PAK3: variants seen among roughly 807,000 people sequenced by gnomAD.
PAK3 encodes the protein serine/threonine-protein kinase PAK 3.
A neutral mutation model predicts 41.0 loss-of-function variants in PAK3; 4 were observed. The observed-to-expected ratio is 0.10, with a 90% CI of 0.05 to 0.22. The LOEUF is 0.22. Among genes scored for constraint, PAK3 ranks in the 10% least tolerant of loss-of-function variants. The pLI is 1.00. For missense variants in PAK3, 205 were observed against 409.9 expected (o/e 0.50, Z 4.32); for synonymous variants, 146 against 139.6 (o/e 1.05, Z -0.32).
intron 1 of PAK3, among the ~76,000 whole-genome samples, chrX:110,965,977 T>C (rs1260530624): frequency 1.8e-5 from 2 of 112,058 alleles, no homozygotes; most frequent in African/African-American, 6.5e-5. Flanking sequence ...CCACGTCGTA[T>C]GCACTATGCT....
At chrX:110,981,197 T>G (rs2091441661) in intron 1 of PAK3, among the ~76,000 whole-genome samples, 2 of 111,666 alleles carry the variant, frequency 1.8e-5, no homozygotes. Context: ...GGCCAGTATA[T>G]TCTTTAAAAA....
intron 1 of PAK3, among the ~76,000 whole-genome samples, chrX:111,000,441 C>T (rs922754908): frequency 3.6e-5 from 4 of 112,110 alleles, no homozygotes; most frequent in Non-Finnish European, 7.5e-5. Context: ...AATAGTTGGC[C>T]TGGACTTGTC....
intron 1 of PAK3, among the ~76,000 whole-genome samples, chrX:111,061,043 C>T (rs1040274733): frequency 1.8e-5 from 2 of 111,236 alleles, no homozygotes; most frequent in African/African-American, 6.5e-5. Flanking sequence ...GCCTATCTTG[C>T]TATTGTGTTG....
At chrX:110,968,324 T>A (rs2091124585) in intron 1 of PAK3, among the ~76,000 whole-genome samples, 1 of 112,742 alleles carries the variant, frequency 8.9e-6, no homozygotes, top group Non-Finnish European at 1.9e-5. Context: ...ACAAAAGCTT[T>A]CATCTCTAGA....
In PAK3 at chrX:111,163,879, A is replaced by G. The variant is rs2094220191; in HGVS notation, c.766+152A>G. 4 of 490,003 alleles carry G rather than the reference A, an allele frequency of 8.2e-6. No homozygotes were observed. The Admixed American group carries it at 1.2e-4, about 14-fold the overall frequency. 40.4% of individuals were successfully genotyped at this position (490,003 alleles called of 1,213,427 possible). A position where few individuals can be genotyped will look rare whatever the true frequency, so the allele number is the denominator to read the frequency against. ...ATGAAAAATTTGAGACTCACTGCAT[A>G]TGCCAGAACACTTTCTCCCTTCCAC... On this transcript the variant is annotated intron_variant, in intron 10 of 17. Transcript: ENST00000372007.
At chrX:111,180,526 A>T (rs1382479782) in intron 11 of PAK3, among the ~76,000 whole-genome samples, 3 of 112,205 alleles carry the variant, frequency 2.7e-5, no homozygotes, top group Non-Finnish European at 5.6e-5. Context: ...CACATGAAAG[A>T]TTTTTATAAG....
intron 1 of PAK3, among the ~76,000 whole-genome samples, chrX:111,002,068 G>T (rs564426427): frequency 8.9e-6 from 1 of 111,758 alleles, no homozygotes; most frequent in African/African-American, 3.2e-5. Flanking sequence ...AAGGTCTATA[G>T]CTATAATGTT....
intron 9 of PAK3, 137 bp from the exon 10 acceptor site, chrX:111,163,425 T>TAC (rs2094214671): frequency 1.3e-5 from 7 of 528,382 alleles, no homozygotes; most frequent in Non-Finnish European, 2.3e-5. Context: ...AGTGTTGTAC[T>TAC]TTCAGCTACT....
chrX:111,168,017 T>C (rs951995657), intron 10 of PAK3, among the ~76,000 whole-genome samples: 7 of 111,305 alleles, frequency 6.3e-5, no homozygotes, highest in Non-Finnish European at 9.4e-5. Flanking sequence ...TCCCTCAGCA[T>C]TCCCCACTCA....
At position 111,007,774 on chromosome X, in the gene PAK3, T is replaced by C. The variant is rs182475456; in HGVS notation, c.-28+63146T>C. On this transcript the variant is annotated intron_variant, in intron 1 of 14. Transcript: ENST00000425146. ...TGCATTGAATTAGAGGCTATCCTGT[T>C]ATTTATATCTTCCTTGTTTACATCC... Among the ~76,000 whole-genome samples, 173 of 111,819 alleles carry C rather than the reference T, an allele frequency of 1.5e-3. 2 individuals carry two copies. The highest frequency in any genetic ancestry group is 5.3e-3 in the African/African-American group (163 of 30,773).
chrX:111,162,732 T>G (rs982970953), intron 8 of PAK3, among the ~76,000 whole-genome samples, 183 bp from the exon 9 acceptor site: 3 of 111,699 alleles, frequency 2.7e-5, no homozygotes, highest in Non-Finnish European at 3.8e-5. Flanking sequence ...CTGAATAAGT[T>G]CAGAGATTGT....
rs2094570212 is a variant in PAK3 at position 111,192,541 on chromosome X, C to T, written c.915C>T (p.Pro305=). The T allele has an allele frequency of 3.4e-6, 4 of 1,170,947 alleles. No homozygotes were observed. Among genetic ancestry groups the T allele is most frequent in the Non-Finnish European group, 3.5e-6 (3 of 860,397 alleles). The part of the protein sequence containing the change: ...AIKQMNLQQQ[P]KKELIINEIL... ...AGCAGATGAACCTTCAACAGCAACC[C>T]AAGAAGGAATTAATTATTAATGAAA... is the stretch of plus-strand genomic sequence containing the variant. Residue 305 remains proline, a synonymous_variant, in exon 13 of 18, where the codon CCC becomes CCT. Coordinates refer to ENST00000372007, the MANE Select transcript of PAK3 (RefSeq NM_002578.5).
At chrX:111,074,573 C>T (rs1041920512) in intron 1 of PAK3, among the ~76,000 whole-genome samples, 4 of 111,743 alleles carry the variant, frequency 3.6e-5, no homozygotes, top group African/African-American at 6.5e-5. Flanking sequence ...ACAAATTACC[C>T]GGCCCCAGGT....
chrX:111,010,430 G>C (rs763091726), intron 1 of PAK3, among the ~76,000 whole-genome samples: 2 of 111,500 alleles, frequency 1.8e-5, no homozygotes, highest in African/African-American at 6.5e-5. Context: ...TAGCTGATAT[G>C]GTTTGGATCT....
chrX:110,977,268 A>G (rs2091357221), intron 1 of PAK3, among the ~76,000 whole-genome samples: 1 of 110,545 alleles, frequency 9.0e-6, no homozygotes, highest in Admixed American at 9.7e-5. Context: ...TGACAGTACT[A>G]CACTCTCTTG....
chrX:110,996,429 T>C (rs180904060), intron 1 of PAK3, among the ~76,000 whole-genome samples: 570 of 112,000 alleles, frequency 5.1e-3, no homozygotes, highest in African/African-American at 0.018. Context: ...CAATAAAATA[T>C]ATAGTGAAAT....
chrX:110,970,600 G>T (rs1345877729), intron 1 of PAK3, among the ~76,000 whole-genome samples: 1 of 111,062 alleles, frequency 9.0e-6, no homozygotes, highest in Non-Finnish European at 1.9e-5. Flanking sequence ...CCTGCTGTGG[G>T]TGGGGGGAAA....
chrX:111,049,116 CTCT>C (rs1360515955), intron 1 of PAK3, among the ~76,000 whole-genome samples: 4 of 111,482 alleles, frequency 3.6e-5, no homozygotes, highest in African/African-American at 1.3e-4. Flanking sequence ...CTGCTCTTTT[CTCT>C]TCTTGGAATG....
intron 1 of PAK3, among the ~76,000 whole-genome samples, chrX:110,950,626 T>C (rs989415045): frequency 8.9e-6 from 1 of 111,935 alleles, no homozygotes; most frequent in African/African-American, 3.2e-5. Flanking sequence ...GCTCCCTGTG[T>C]ATTTTATTCT....
Sources: allele counts gnomAD v4.1 joint callset (sites outside exome capture counted in the v4.1 genomes callset), GRCh38; gene constraint gnomAD v4.1.1; transcripts MANE v1.5; gene names NCBI Gene and HGNC (gene_info 2026-07-23, HGNC 2026-07-21).